Variants in VAMP7 observed in about 807,000 individuals in gnomAD.
The protein encoded by VAMP7 is vesicle-associated membrane protein 7.
Under a neutral mutation model 29.6 loss-of-function variants are expected in VAMP7, and 14 were observed. That is an observed-to-expected ratio of 0.47 (90% CI 0.31 to 0.74). VAMP7 has a LOEUF of 0.74. Ranked by LOEUF, VAMP7 falls within the 30% of genes least tolerant of loss-of-function variation. The pLI is 0.05. For missense variants in VAMP7, 223 were observed against 262.4 expected (o/e 0.85, Z 1.04); for synonymous variants, 95 against 88.1 (o/e 1.08, Z -0.44).
At chrX:155,926,058 TTTG>T (rs2066462468) in intron 6 of VAMP7, among the ~76,000 whole-genome samples, 1 of 152,090 alleles carries the variant, frequency 6.6e-6, no homozygotes, top group South Asian at 2.1e-4. Context: ...ATCTTCCAGG[TTTG>T]TTGTTCCATT....
chrX:155,896,055 G>A (rs148994891), intron 3 of VAMP7, among the ~76,000 whole-genome samples: 4 of 152,184 alleles, frequency 2.6e-5, no homozygotes, highest in Middle Eastern at 3.4e-3. Flanking sequence ...CTACAAAACC[G>A]GTCCCTGGTG....
intron 6 of VAMP7, among the ~76,000 whole-genome samples, chrX:155,930,238 A>C (rs2066528311): frequency 1.3e-5 from 2 of 152,134 alleles, no homozygotes; most frequent in African/African-American, 4.8e-5. Context: ...CTCCAGCTCC[A>C]CTTGGTGTGA....
intron 5 of VAMP7, among the ~76,000 whole-genome samples, chrX:155,904,730 G>C (rs1439721750): frequency 6.6e-6 from 1 of 151,988 alleles, no homozygotes; most frequent in African/African-American, 2.4e-5. Context: ...ATGATTGTGA[G>C]ATTCATTCAT....
At chrX:155,919,521 G>A (rs553200312) in intron 5 of VAMP7, among the ~76,000 whole-genome samples, 38 of 152,256 alleles carry the variant, frequency 2.5e-4, no homozygotes, top group African/African-American at 7.7e-4. Flanking sequence ...GGTACATTCA[G>A]TAGTGTAGTC....
At chrX:155,929,009 T>C (rs2124376847) in intron 6 of VAMP7, among the ~76,000 whole-genome samples, 1 of 152,366 alleles carries the variant, frequency 6.6e-6, no homozygotes, top group East Asian at 1.9e-4. Flanking sequence ...TTGTGGATGA[T>C]AATCCCTTCA....
intron 5 of VAMP7, among the ~76,000 whole-genome samples, chrX:155,906,892 T>C (rs1225010914): frequency 6.6e-6 from 1 of 152,188 alleles, no homozygotes; most frequent in Non-Finnish European, 1.5e-5. Context: ...TTATTCCTGC[T>C]CTTAGGGAGA....
chrX:155,901,529 A>G (rs2066062204), intron 5 of VAMP7, among the ~76,000 whole-genome samples: 1 of 152,078 alleles, frequency 6.6e-6, no homozygotes, highest in Non-Finnish European at 1.5e-5. Context: ...AATTTAATCC[A>G]TCTTGAATTA....
intron 5 of VAMP7, among the ~76,000 whole-genome samples, chrX:155,916,429 C>A (rs1485070779): frequency 1.3e-5 from 2 of 151,938 alleles, no homozygotes; most frequent in Non-Finnish European, 2.9e-5. Context: ...GCTTGTTAGT[C>A]GATATAGTTT....
intron 5 of VAMP7, among the ~76,000 whole-genome samples, chrX:155,907,077 TTAA>T (rs2066157262): frequency 6.6e-6 from 1 of 152,092 alleles, no homozygotes; most frequent in Non-Finnish European, 1.5e-5. Context: ...TTGTTCTTTA[TTAA>T]TATGATGTAT....
intron 1 of VAMP7, among the ~76,000 whole-genome samples, chrX:155,888,585 A>G (rs1444492085): frequency 6.6e-6 from 1 of 152,226 alleles, no homozygotes; most frequent in Admixed American, 6.5e-5. Context: ...TGGGCTTGTT[A>G]GGTGGGAAAT....
In VAMP7 at chrX:155,919,414, T is replaced by G. The variant is rs150181001; in HGVS notation, c.434-399T>G. 6.6e-3 allele frequency among the ~76,000 whole-genome samples: 1,000 copies of G among 152,334 alleles called. 4 individuals are homozygous for G. Among genetic ancestry groups the G allele is most frequent in the Middle Eastern group, 0.014 (4 of 294 alleles). On this transcript the variant is annotated intron_variant, in intron 5 of 7. Coordinates refer to ENST00000286448, the MANE Select transcript of VAMP7 (RefSeq NM_005638.6). ...TTGTTAATAGTATTTCTATGGTCAC[T>G]TCTTCCAATTTTTAGATTTGCTTTA...
chrX:155,943,220 A>G lies in VAMP7; in HGVS notation c.*1269A>G, dbSNP rs768597533. 6.6e-6 allele frequency: 1 copy of G among 151,218 alleles called. No individual in the cohort carries two copies. Among genetic ancestry groups the G allele is most frequent in the African/African-American group, 2.4e-5 (1 of 40,986 alleles). The allele number at this position is 151,218 out of a possible 1,614,324, so 9.4% of individuals were successfully genotyped here. ...TTTATTTATCAATAAGTGCCATTAA[A>G]TTGAAATTATATTACATTTTACACT... is the stretch of plus-strand genomic sequence containing the variant. On this transcript the variant is annotated 3_prime_UTR_variant, in exon 8 of 8. Coordinates refer to ENST00000286448, the MANE Select transcript of VAMP7 (RefSeq NM_005638.6).
intron 5 of VAMP7, among the ~76,000 whole-genome samples, chrX:155,911,454 C>A (rs748130684): frequency 6.6e-6 from 1 of 152,148 alleles, no homozygotes; most frequent in South Asian, 2.1e-4. Flanking sequence ...TCCTGAAATA[C>A]TAATTTTAGG....
intron 6 of VAMP7, among the ~76,000 whole-genome samples, chrX:155,923,087 C>T (rs1300383504): frequency 6.6e-6 from 1 of 151,864 alleles, no homozygotes; most frequent in Non-Finnish European, 1.5e-5. Flanking sequence ...TAGTATACTT[C>T]TAGCTGTTTC....
chrX:155,899,782 C>T (rs1454504761), intron 4 of VAMP7, among the ~76,000 whole-genome samples: 2 of 152,002 alleles, frequency 1.3e-5, no homozygotes, highest in East Asian at 1.9e-4. Flanking sequence ...AGCTCTAGAT[C>T]TGTGTGACCT....
At position 155,896,553 on chromosome X, in the gene VAMP7, G is replaced by A. The variant is rs913902706; in HGVS notation, c.204+873G>A. 5.3e-5 allele frequency among the ~76,000 whole-genome samples: 8 copies of A among 152,134 alleles called. No individual in the cohort carries two copies. In the South Asian group the frequency reaches 8.3e-4, roughly 16 times the overall value. On this transcript the variant is annotated intron_variant, in intron 3 of 7. Coordinates refer to ENST00000286448, the MANE Select transcript of VAMP7 (RefSeq NM_005638.6). ...TCCTTTCTCTTCTCTGCTTATCTCCGTGTCTCCTTCTTCCCAGACAGGTTG... is the reference window on the plus strand; with the variant it reads ...TCCTTTCTCTTCTCTGCTTATCTCCATGTCTCCTTCTTCCCAGACAGGTTG...
chrX:155,926,525 A>G (rs189754588), intron 6 of VAMP7, among the ~76,000 whole-genome samples: 66 of 152,306 alleles, frequency 4.3e-4, no homozygotes, highest in African/African-American at 1.6e-3. Context: ...CTTGCTCTGT[A>G]TTAGGCTTTG....
At chrX:155,917,637 C>A (rs1485733033) in intron 5 of VAMP7, among the ~76,000 whole-genome samples, 1 of 152,140 alleles carries the variant, frequency 6.6e-6, no homozygotes, top group African/African-American at 2.4e-5. Flanking sequence ...CCAGCGGAGG[C>A]TGCAGAACAG....
At chrX:155,920,580 G>C in intron 6 of VAMP7, among the ~76,000 whole-genome samples, 1 of 152,294 alleles carries the variant, frequency 6.6e-6, no homozygotes, top group African/African-American at 2.4e-5. Context: ...GTGACTGACA[G>C]CTGGATTGTA....
Sources: gnomAD v4.1 joint callset for allele counts (sites outside exome capture counted in the v4.1 genomes callset) on GRCh38, gnomAD v4.1.1 for gene constraint, MANE v1.5 for transcripts, NCBI Gene and HGNC (gene_info 2026-07-23, HGNC 2026-07-21) for gene names.